The following SLCO3A1 variants were observed in gnomAD, a reference collection of about 807,000 sequenced individuals.
The protein encoded by SLCO3A1 is solute carrier organic anion transporter family member 3A1, also known as PGE1 transporter.
In SLCO3A1, 27 loss-of-function variants were observed where a neutral mutation model predicts 63.1. The observed-to-expected ratio is 0.43, with a 90% CI of 0.32 to 0.59. SLCO3A1 has a LOEUF of 0.59. Ranked by LOEUF, SLCO3A1 falls within the 20% of genes least tolerant of loss-of-function variation. The pLI, the probability that SLCO3A1 is intolerant of heterozygous loss-of-function variation, is 0.09. For missense variants in SLCO3A1, 773 were observed against 945.8 expected (o/e 0.82, Z 2.40); for synonymous variants, 473 against 409.9 (o/e 1.15, Z -1.86).
At chr15:92,053,162 T>C (rs925540796) in intron 2 of SLCO3A1, among the ~76,000 whole-genome samples, 2 of 148,896 alleles carry the variant, frequency 1.3e-5, no homozygotes, top group African/African-American at 2.5e-5. Flanking sequence ...TGGGATGGGA[T>C]GATGAGCAGG....
chr15:92,058,874 A>G (rs956879116), intron 2 of SLCO3A1, among the ~76,000 whole-genome samples: 5 of 152,066 alleles, frequency 3.3e-5, no homozygotes, highest in Admixed American at 1.3e-4. Flanking sequence ...CGTCCCTTCA[A>G]TCTCTGCCTG....
Position 92,164,647 on chromosome 15 carries a change from A to G in SLCO3A1, c.*1512A>G, listed in dbSNP as rs1423449757. ...AACGAATAGACCCACAAGCTCCTGGAAGCTGTCGTGTGTCCAATGCGTGAA... is the reference window on the plus strand; with the variant it reads ...AACGAATAGACCCACAAGCTCCTGGGAGCTGTCGTGTGTCCAATGCGTGAA... On this transcript the variant is annotated 3_prime_UTR_variant, in exon 10 of 10. Transcript: ENST00000318445. The G allele has an allele frequency of 8.1e-6, 8 of 985,394 alleles. No individual in the cohort carries two copies. Among genetic ancestry groups the G allele is most frequent in the Non-Finnish European group, 9.6e-6 (8 of 829,916 alleles). 61.0% of individuals were successfully genotyped at this position (985,394 alleles called of 1,614,324 possible).
At chr15:92,064,962 G>A in intron 2 of SLCO3A1, among the ~76,000 whole-genome samples, 1 of 152,170 alleles carries the variant, frequency 6.6e-6, no homozygotes, top group Non-Finnish European at 1.5e-5. Context: ...GCACAGCAAG[G>A]TGACTGTAGT....
chr15:91,998,398 G>A (rs965478586), intron 2 of SLCO3A1, among the ~76,000 whole-genome samples: 5 of 151,996 alleles, frequency 3.3e-5, no homozygotes, highest in African/African-American at 4.8e-5. Context: ...AGGTTGCAGC[G>A]TGCCGAGATC....
chr15:92,120,132 T>C (rs2047846162), intron 4 of SLCO3A1, among the ~76,000 whole-genome samples: 1 of 151,964 alleles, frequency 6.6e-6, no homozygotes, highest in South Asian at 2.1e-4. Context: ...CCAAACCCTC[T>C]GTTAGTAGAG....
intron 7 of SLCO3A1, among the ~76,000 whole-genome samples, chr15:92,140,803 T>C (rs1281714046): frequency 3.9e-5 from 6 of 152,224 alleles, no homozygotes; most frequent in Non-Finnish European, 7.3e-5. Context: ...GATTGCAACC[T>C]CTGCCTTTTT....
At chr15:91,957,400 C>G (rs1229321079) in intron 2 of SLCO3A1, among the ~76,000 whole-genome samples, 1 of 151,546 alleles carries the variant, frequency 6.6e-6, no homozygotes, top group African/African-American at 2.4e-5. Context: ...GTGCTTCACT[C>G]AGAGTGAAAG....
rs576818872 is a variant in SLCO3A1 at position 91,886,752 on chromosome 15, G to A, written c.181-29241G>A. Among the ~76,000 whole-genome samples, 64 of 152,354 alleles carry A rather than the reference G, an allele frequency of 4.2e-4. No individual in the cohort carries two copies. The highest frequency in any genetic ancestry group is 1.4e-3 in the African/African-American group (60 of 41,578). On this transcript the variant is annotated intron_variant, in intron 1 of 9. Coordinates refer to ENST00000318445, the MANE Select transcript of SLCO3A1 (RefSeq NM_013272.4). The surrounding 1 kb of genome is among the most constrained non-coding windows in gnomAD (Gnocchi z 4.9). ...CCAGACAATAATTCAGGGGTACGAT[G>A]TGATGGCCCTCTGTTGATTCTCTTT...
Position 91,880,391 on chromosome 15 carries a change from C to CTGTGTGTGTGTGTGTGTG in SLCO3A1, c.180+26304_180+26305insGTGTGTGTGTGTGTGTGT, listed in dbSNP as rs1248316415. Reference sequence around the variant, plus strand: ...TACCGGCACTCGTGCTTCTCTCTCTCTCTCTCTCTCTCTCTCTCTGTGTGT... The same window carrying CTGTGTGTGTGTGTGTGTG: ...TACCGGCACTCGTGCTTCTCTCTCTCTGTGTGTGTGTGTGTGTGTCTCTCTCTCTCTCTCTCTGTGTGT... On this transcript the variant is annotated intron_variant, in intron 1 of 9. Transcript: ENST00000318445. Among the ~76,000 whole-genome samples, 208 of 74,434 alleles carry CTGTGTGTGTGTGTGTGTG rather than the reference C, an allele frequency of 2.8e-3. 4 individuals carry two copies. The East Asian group carries it at 0.052, about 19-fold the overall frequency. The allele number at this position is 74,434 out of a possible 152,430, so 48.8% of individuals were successfully genotyped here. A position where few individuals can be genotyped will look rare whatever the true frequency, so the allele number is the denominator to read the frequency against.
chr15:91,909,449 C>T (rs1437153447), intron 1 of SLCO3A1, among the ~76,000 whole-genome samples: 1 of 152,168 alleles, frequency 6.6e-6, no homozygotes, highest in Non-Finnish European at 1.5e-5. Context: ...AGAAAGTATG[C>T]CAGACCCTGT....
chr15:91,955,387 C>T (rs775841806), intron 2 of SLCO3A1, among the ~76,000 whole-genome samples: 36 of 151,420 alleles, frequency 2.4e-4, no homozygotes, highest in Non-Finnish European at 4.6e-4. Flanking sequence ...GGCTAGAGTG[C>T]AATGGCGTGG....
chr15:91,925,449 G>T (rs1187937093), intron 2 of SLCO3A1, among the ~76,000 whole-genome samples: 1 of 148,964 alleles, frequency 6.7e-6, no homozygotes, highest in East Asian at 2.0e-4. Context: ...GTGAATATTT[G>T]CTTTTGTCTG....
In SLCO3A1 at chr15:92,094,916, T is replaced by C; in HGVS notation, c.682T>C (p.Cys228Arg). 6.2e-7 allele frequency: 1 copy of C among 1,613,994 alleles called. No homozygotes were observed. The highest frequency in any genetic ancestry group is 8.5e-7 in the Non-Finnish European group (1 of 1,179,818). ...CACGATGCTGGTATTTGGACCAGCC[T>C]GCGGGTTTATCCTGGGCTCTTTCTG... ...LFTMLVFGPACGFILGSFCTK... is the reference protein window; with the variant it reads ...LFTMLVFGPARGFILGSFCTK... The change falls in exon 3 of 10, where the codon TGC becomes CGC. Residue 228 changes from cysteine to arginine, a missense_variant. Cys to Arg is a radical substitution (Grantham distance 180). Coordinates refer to ENST00000318445, the MANE Select transcript of SLCO3A1 (RefSeq NM_013272.4).
chr15:91,854,695 C>A lies in SLCO3A1; in HGVS notation c.180+607C>A, dbSNP rs962193014. Among the ~76,000 whole-genome samples the A allele has an allele frequency of 6.6e-6, 1 of 152,128 alleles. No homozygotes were observed. ...CGGTATCCCTATAGCCCTCTTTGAG[C>A]GTCTGGGATAAAGTTACGGTACCTA... On this transcript the variant is annotated intron_variant, in intron 1 of 9. Coordinates refer to ENST00000318445, the MANE Select transcript of SLCO3A1 (RefSeq NM_013272.4). This position sits in a 1 kb window ranked among gnomAD's most constrained non-coding sequence, Gnocchi z 6.4.
At chr15:92,122,229 G>A (rs117746202) in intron 5 of SLCO3A1, among the ~76,000 whole-genome samples, 1,869 of 152,278 alleles carry the variant, frequency 0.012, 23 homozygotes, top group Middle Eastern at 0.034. Flanking sequence ...GGAGGGACAC[G>A]TGATGGAAGC....
chr15:91,915,027 T>C (rs1267902251), intron 1 of SLCO3A1, among the ~76,000 whole-genome samples: 1 of 152,182 alleles, frequency 6.6e-6, no homozygotes, highest in African/African-American at 2.4e-5. Flanking sequence ...GCACCCTGCG[T>C]GGAATTTGCA....
At chr15:92,062,174 G>A (rs1446137710) in intron 2 of SLCO3A1, among the ~76,000 whole-genome samples, 1 of 152,236 alleles carries the variant, frequency 6.6e-6, no homozygotes, top group African/African-American at 2.4e-5. Flanking sequence ...TACTAGGACA[G>A]CAAACACACA....
At chr15:91,921,936 T>C (rs1275665018) in intron 2 of SLCO3A1, among the ~76,000 whole-genome samples, 1 of 151,984 alleles carries the variant, frequency 6.6e-6, no homozygotes, top group East Asian at 1.9e-4. Flanking sequence ...GGTTTCGTCA[T>C]GTTGTCCAGG....
At chr15:91,988,054 TCA>T (rs1438168128) in intron 2 of SLCO3A1, among the ~76,000 whole-genome samples, 11 of 152,196 alleles carry the variant, frequency 7.2e-5, no homozygotes, top group African/African-American at 2.7e-4. Context: ...TTGTGTTTTA[TCA>T]CTTACAGATG....
Sources: allele counts gnomAD v4.1 joint callset (sites outside exome capture counted in the v4.1 genomes callset), GRCh38; gene constraint gnomAD v4.1.1; non-coding constraint Gnocchi (gnomAD v3.1); transcripts MANE v1.5; gene names NCBI Gene and HGNC (gene_info 2026-07-23, HGNC 2026-07-21).